The following GTF2F2 variants were observed in gnomAD, a reference collection of about 807,000 sequenced individuals.
GTF2F2 encodes general transcription factor IIF subunit 2, also known as ATP-dependent helicase GTF2F2.
A neutral mutation model predicts 42.2 loss-of-function variants in GTF2F2; 23 were observed. The ratio of observed to expected loss-of-function variants is 0.55; its 90% CI spans 0.39 to 0.77. The LOEUF (loss-of-function observed/expected upper bound fraction) is 0.77, where lower values mean the gene tolerates loss of function less well. Ranked by LOEUF, GTF2F2 falls within the 30% of genes least tolerant of loss-of-function variation. GTF2F2 has a pLI of 0.00. For missense variants in GTF2F2, 261 were observed against 287.2 expected, an observed-to-expected ratio of 0.91 and a Z score of 0.66; for synonymous variants, 105 against 100.8, an observed-to-expected ratio of 1.04 and a Z score of -0.25.
At chr13:45,219,020 TTTTTG>T (rs1157313618) in intron 5 of GTF2F2, among the ~76,000 whole-genome samples, 2 of 152,144 alleles carry the variant, frequency 1.3e-5, no homozygotes, top group Admixed American at 6.6e-5. Flanking sequence ...GTTGGGGGTT[TTTTTG>T]TTTTGTTTTG....
In GTF2F2 at chr13:45,136,787, G is replaced by C; in HGVS notation, c.121G>C (p.Gly41Arg). ...WAKASGRGEV[G>R]KLRIAKTQGR... Reference sequence around the variant, plus strand: ...TAAAGCCTCTGGAAGAGGTGAAGTTGGGAAACTGCGGATTGCCAAGTAAGT... The same window carrying C: ...TAAAGCCTCTGGAAGAGGTGAAGTTCGGAAACTGCGGATTGCCAAGTAAGT... The change falls in exon 2 of 8, where the codon GGG becomes CGG. Residue 41 changes from glycine (G) to arginine (R), a missense_variant. By Grantham distance (125) the Gly-to-Arg change is moderately radical. Transcript: ENST00000340473. 6.3e-7 allele frequency: 1 copy of C among 1,588,788 alleles called. No homozygotes were observed.
intron 2 of GTF2F2, among the ~76,000 whole-genome samples, chr13:45,142,341 T>A (rs1356406501): frequency 1.3e-5 from 2 of 152,172 alleles, no homozygotes; most frequent in Non-Finnish European, 2.9e-5. Context: ...TAATTTTTTT[T>A]ATTTTTAGTA....
At chr13:45,275,213 C>T (rs1390548512) in intron 7 of GTF2F2, among the ~76,000 whole-genome samples, 1 of 152,164 alleles carries the variant, frequency 6.6e-6, no homozygotes, top group Non-Finnish European at 1.5e-5. Context: ...CACATCAGTA[C>T]AGCTGTCCTC....
intron 1 of GTF2F2, 62 bp from the exon 2 acceptor site, chr13:45,136,671 T>G: frequency 1.1e-6 from 1 of 872,658 alleles, no homozygotes; most frequent in Non-Finnish European, 1.9e-6. Flanking sequence ...CAATATATCA[T>G]TTTATGTTTG....
At chr13:45,219,346 C>G (rs1251331517) in intron 5 of GTF2F2, 1 of 152,170 alleles carries the variant, frequency 6.6e-6, no homozygotes, top group Non-Finnish European at 1.5e-5. Context: ...AAAAGGTTGC[C>G]TGGCTTATTC....
At chr13:45,183,147 T>C (rs1036414053) in intron 4 of GTF2F2, among the ~76,000 whole-genome samples, 2 of 152,114 alleles carry the variant, frequency 1.3e-5, no homozygotes, top group Admixed American at 1.3e-4. Context: ...CTTTGAAGGT[T>C]GCTTGGTTGC....
chr13:45,277,405 C>T (rs947011843), intron 7 of GTF2F2, among the ~76,000 whole-genome samples: 1 of 152,110 alleles, frequency 6.6e-6, no homozygotes, highest in African/African-American at 2.4e-5. Flanking sequence ...ATGCTACACA[C>T]TTTTAAACGA....
At chr13:45,270,940 G>A (rs1381827169) in intron 7 of GTF2F2, among the ~76,000 whole-genome samples, 1 of 152,120 alleles carries the variant, frequency 6.6e-6, no homozygotes, top group Non-Finnish European at 1.5e-5. Context: ...CTATCTAACA[G>A]CGTTCATTTA....
At chr13:45,211,698 C>G (rs1053410757) in intron 5 of GTF2F2, among the ~76,000 whole-genome samples, 1 of 151,938 alleles carries the variant, frequency 6.6e-6, no homozygotes, top group Non-Finnish European at 1.5e-5. Context: ...AATGATGCTC[C>G]TGCCTCAGCC....
chr13:45,122,913 A>C (rs959698194), intron 1 of GTF2F2, among the ~76,000 whole-genome samples: 1 of 152,142 alleles, frequency 6.6e-6, no homozygotes, highest in Non-Finnish European at 1.5e-5. Context: ...CTATACATAC[A>C]AGATCTCTGA....
intron 4 of GTF2F2, among the ~76,000 whole-genome samples, chr13:45,167,321 G>A (rs1050812152): frequency 1.4e-5 from 2 of 142,928 alleles, no homozygotes; most frequent in Non-Finnish European, 3.0e-5. Flanking sequence ...TGCAACCCCC[G>A]CCTCCCTGCC....
At chr13:45,208,375 G>A (rs950131388) in intron 5 of GTF2F2, among the ~76,000 whole-genome samples, 7 of 152,002 alleles carry the variant, frequency 4.6e-5, no homozygotes, top group African/African-American at 1.7e-4. Context: ...TAAGCCCTGA[G>A]GAAATATATT....
chr13:45,265,151 C>T (rs1041882607), intron 6 of GTF2F2, among the ~76,000 whole-genome samples: 1 of 151,766 alleles, frequency 6.6e-6, no homozygotes, highest in African/African-American at 2.4e-5. Context: ...CCCAGCTACT[C>T]GGGAGGCTGA....
intron 1 of GTF2F2, among the ~76,000 whole-genome samples, chr13:45,121,128 G>T (rs1868609566): frequency 6.6e-6 from 1 of 152,216 alleles, no homozygotes; most frequent in Non-Finnish European, 1.5e-5. Context: ...CGGCCAGAAA[G>T]TAGGACTGGT....
chr13:45,212,447 G>GTTTCTTTCTTTTCTTTTCTTTTCT (rs765065810), intron 5 of GTF2F2, among the ~76,000 whole-genome samples: 3 of 45,678 alleles, frequency 6.6e-5, no homozygotes, highest in African/African-American at 9.6e-5. Context: ...TTTCTTTCTT[G>GTTTCTTTCTTTTCTTTTCTTTTCT]TTTCTTTCTT....
intron 4 of GTF2F2, among the ~76,000 whole-genome samples, chr13:45,188,053 G>T (rs934199327): frequency 6.6e-6 from 1 of 152,066 alleles, no homozygotes; most frequent in African/African-American, 2.4e-5. Context: ...TTACAGGCAC[G>T]CACCACCATG....
At chr13:45,182,702 C>A (rs749359533) in intron 4 of GTF2F2, among the ~76,000 whole-genome samples, 1 of 152,054 alleles carries the variant, frequency 6.6e-6, no homozygotes, top group Non-Finnish European at 1.5e-5. Context: ...ATTTTTAGTT[C>A]ATTTTTAGAA....
intron 6 of GTF2F2, among the ~76,000 whole-genome samples, chr13:45,258,231 A>G (rs1876182365): frequency 6.6e-6 from 1 of 152,038 alleles, no homozygotes; most frequent in Non-Finnish European, 1.5e-5. Context: ...AAACAACTCT[A>G]GATATTCCAA....
chr13:45,212,851 C>G (rs1352316253), intron 5 of GTF2F2, among the ~76,000 whole-genome samples: 2 of 151,096 alleles, frequency 1.3e-5, no homozygotes, highest in Non-Finnish European at 2.9e-5. Context: ...AAGCGATTCT[C>G]CCACCTCAGC....
Sources: gnomAD v4.1 joint callset for allele counts (sites outside exome capture counted in the v4.1 genomes callset) on GRCh38, gnomAD v4.1.1 for gene constraint, MANE v1.5 for transcripts, NCBI Gene and HGNC (gene_info 2026-07-23, HGNC 2026-07-21) for gene names.